Variants in NPAS3 observed in about 807,000 individuals in gnomAD.
NPAS3 encodes neuronal PAS domain-containing protein 3.
Under a neutral mutation model 73.1 loss-of-function variants are expected in NPAS3, and 14 were observed. The observed-to-expected ratio is 0.19, with a 90% CI of 0.13 to 0.30. NPAS3 has a LOEUF of 0.30. Among genes scored for constraint, NPAS3 ranks in the 10% least tolerant of loss-of-function variants. NPAS3 has a pLI of 1.00. For synonymous variants in NPAS3, 620 were observed against 541.5 expected (o/e 1.14, Z -2.01); for missense variants, 1,096 against 1,250.0 (o/e 0.88, Z 1.86).
intron 3 of NPAS3, among the ~76,000 whole-genome samples, chr14:33,351,278 C>T (rs899072829): frequency 6.6e-6 from 1 of 152,162 alleles, no homozygotes; most frequent in African/African-American, 2.4e-5. Flanking sequence ...CAGCACCACA[C>T]CTGCTGCCCA....
chr14:33,177,253 T>A (rs2045627179), intron 2 of NPAS3, among the ~76,000 whole-genome samples: 2 of 151,876 alleles, frequency 1.3e-5, no homozygotes, highest in South Asian at 2.1e-4. Context: ...CCTGCCACCA[T>A]GTCCGGCTAA....
chr14:33,416,269 C>G (rs1276092122), intron 4 of NPAS3, among the ~76,000 whole-genome samples: 3 of 151,898 alleles, frequency 2.0e-5, no homozygotes, highest in African/African-American at 7.2e-5. Flanking sequence ...TGAAGAACAA[C>G]AAGAACTCTA....
intron 1 of NPAS3, among the ~76,000 whole-genome samples, chr14:32,995,579 A>C (rs2038534467): frequency 6.6e-6 from 1 of 152,182 alleles, no homozygotes; most frequent in Non-Finnish European, 1.5e-5. Context: ...GTGGGAGATG[A>C]TTTAAACATG....
At chr14:33,440,889 A>G (rs1372168950) in intron 4 of NPAS3, among the ~76,000 whole-genome samples, 1 of 151,580 alleles carries the variant, frequency 6.6e-6, no homozygotes, top group Non-Finnish European at 1.5e-5. Context: ...GTTAAACTCC[A>G]TCTCAAAAAA....
intron 5 of NPAS3, among the ~76,000 whole-genome samples, chr14:33,608,064 C>T (rs1322560240): frequency 6.6e-6 from 1 of 152,154 alleles, no homozygotes; most frequent in African/African-American, 2.4e-5. Context: ...ACAGCCAAAC[C>T]ATATCAGAGC....
intron 4 of NPAS3, among the ~76,000 whole-genome samples, chr14:33,448,334 G>C (rs1276622876): frequency 1.3e-5 from 2 of 152,142 alleles, no homozygotes; most frequent in Non-Finnish European, 2.9e-5. Flanking sequence ...CATAATTTAA[G>C]GGGATAACAG....
In NPAS3 at chr14:33,301,305, A is replaced by ATT. The variant is rs1232312732; in HGVS notation, c.386-65880_386-65879dup. Among the ~76,000 whole-genome samples, 4 of 59,730 alleles carry ATT rather than the reference A, an allele frequency of 6.7e-5. 1 individual carries two copies. The highest frequency in any genetic ancestry group is 1.3e-4 in the Non-Finnish European group (4 of 30,460). The allele number at this position is 59,730 out of a possible 152,430, so 39.2% of individuals were successfully genotyped here. ...CTCTAAACCCCACCTAGGTTTTATCATTATATATATATATATATTTTTTTT... is the reference window on the plus strand; with the variant it reads ...CTCTAAACCCCACCTAGGTTTTATCATTTTATATATATATATATATTTTTTTT... On this transcript the variant is annotated intron_variant, in intron 3 of 11. Coordinates refer to ENST00000356141, the Ensembl canonical transcript of NPAS3.
At chr14:33,675,142 C>T (rs2059724133) in intron 5 of NPAS3, among the ~76,000 whole-genome samples, 1 of 152,156 alleles carries the variant, frequency 6.6e-6, no homozygotes, top group Non-Finnish European at 1.5e-5. Context: ...AACCATTGCA[C>T]TCCGGAGGAC....
intron 4 of NPAS3, among the ~76,000 whole-genome samples, chr14:33,506,197 G>A (rs1016351931): frequency 6.6e-6 from 1 of 151,890 alleles, no homozygotes. Context: ...CACAATACGG[G>A]CTTTATAAGC....
At chr14:32,950,580 C>T (rs1045839113) in intron 1 of NPAS3, among the ~76,000 whole-genome samples, 20 of 152,030 alleles carry the variant, frequency 1.3e-4, no homozygotes, top group African/African-American at 4.8e-4. Context: ...ATTTCAGCAT[C>T]CATTTCAGAT....
At chr14:32,971,857 A>G (rs1305832222) in intron 1 of NPAS3, among the ~76,000 whole-genome samples, 1 of 152,096 alleles carries the variant, frequency 6.6e-6, no homozygotes, top group Non-Finnish European at 1.5e-5. Context: ...TAATCTGGTA[A>G]ACAGCATTTA....
chr14:33,128,854 C>A (rs1043116167), intron 2 of NPAS3, among the ~76,000 whole-genome samples: 7 of 152,116 alleles, frequency 4.6e-5, no homozygotes, highest in African/African-American at 1.7e-4. Flanking sequence ...ATACTTACAT[C>A]TTAGACAAAG....
chr14:33,420,233 T>A (rs530039311), intron 4 of NPAS3, among the ~76,000 whole-genome samples: 1 of 152,082 alleles, frequency 6.6e-6, no homozygotes, highest in Non-Finnish European at 1.5e-5. Context: ...CTCATCCTGG[T>A]GTTTGCATTT....
At chr14:33,344,846 A>C (rs1813146134) in intron 3 of NPAS3, among the ~76,000 whole-genome samples, 1 of 152,180 alleles carries the variant, frequency 6.6e-6, no homozygotes, top group Admixed American at 6.5e-5. Flanking sequence ...TAATGCCATG[A>C]TGCAAAGCCA....
intron 7 of NPAS3, among the ~76,000 whole-genome samples, chr14:33,755,486 G>A (rs937619789): frequency 9.2e-5 from 14 of 152,102 alleles, no homozygotes; most frequent in Non-Finnish European, 2.1e-4. Flanking sequence ...CTACCATGAC[G>A]CCATCCCTGC....
At chr14:33,745,604 G>A (rs118122342) in intron 7 of NPAS3, among the ~76,000 whole-genome samples, 2 of 152,170 alleles carry the variant, frequency 1.3e-5, no homozygotes, top group Non-Finnish European at 2.9e-5. Flanking sequence ...TTCATGTATA[G>A]AGGTGAATCT....
chr14:33,448,543 T>A (rs1357889876), intron 4 of NPAS3, among the ~76,000 whole-genome samples: 1 of 152,226 alleles, frequency 6.6e-6, no homozygotes, highest in East Asian at 1.9e-4. Context: ...CTGTGCTTGA[T>A]ACATAGCGCT....
chr14:33,544,825 A>ATATATATATATATAAAAT, intron 4 of NPAS3, among the ~76,000 whole-genome samples: 1 of 112,188 alleles, frequency 8.9e-6, no homozygotes, highest in Admixed American at 9.2e-5. Flanking sequence ...TATATAATAT[A>ATATATATATATATAAAAT]TATGTGTATA....
At chr14:33,051,166 C>A (rs10151224) in intron 1 of NPAS3, among the ~76,000 whole-genome samples, 3 of 149,846 alleles carry the variant, frequency 2.0e-5, no homozygotes, top group Admixed American at 1.3e-4. Flanking sequence ...CCCAGCTACT[C>A]GGGAGGCTGA....
Sources: allele counts gnomAD v4.1 joint callset (sites outside exome capture counted in the v4.1 genomes callset), GRCh38; gene constraint gnomAD v4.1.1; transcripts MANE v1.5; gene names NCBI Gene and HGNC (gene_info 2026-07-23, HGNC 2026-07-21).